Variants in DGKI observed in about 807,000 individuals in gnomAD.
The protein encoded by DGKI is diacylglycerol kinase iota.
A neutral mutation model predicts 147.5 loss-of-function variants in DGKI; 55 were observed. The observed-to-expected ratio is 0.37, with a 90% CI of 0.30 to 0.47. The LOEUF (loss-of-function observed/expected upper bound fraction) is 0.47, where lower values mean the gene tolerates loss of function less well. Among genes scored for constraint, DGKI ranks in the 20% least tolerant of loss-of-function variants. The probability of loss-of-function intolerance (pLI) is 1.00; values close to 1 mark genes in which losing one functional copy is unlikely to be tolerated. For synonymous variants in DGKI, 469 were observed against 477.1 expected (o/e 0.98, Z 0.22); for missense variants, 1,007 against 1,323.8 (o/e 0.76, Z 3.71).
chr7:137,602,938 T>A (rs1370013867), intron 10 of DGKI, among the ~76,000 whole-genome samples: 2 of 151,976 alleles, frequency 1.3e-5, no homozygotes. Flanking sequence ...CCATGCATGC[T>A]ACTGTAGATA....
chr7:137,761,686 C>G lies in DGKI; in HGVS notation c.402-71684G>C, dbSNP rs575079348. Among the ~76,000 whole-genome samples, 38 of 152,232 alleles carry G rather than the reference C, an allele frequency of 2.5e-4. No homozygotes were observed. In the South Asian group the frequency reaches 7.3e-3, roughly 29 times the overall value. On this transcript the variant is annotated intron_variant, in intron 1 of 32. Coordinates refer to ENST00000614521, the MANE Select transcript of DGKI (RefSeq NM_001321708.2). ...TGGTCCACAGATTCCTGTTCTGGAC[C>G]ATCTGTTCCTCTCAACTAAACATTC...
chr7:137,569,451 G>A (rs371762769), intron 19 of DGKI, among the ~76,000 whole-genome samples: 15 of 151,944 alleles, frequency 9.9e-5, no homozygotes, highest in East Asian at 9.7e-4. Flanking sequence ...TTCCCTGGCC[G>A]GGTGCGGTGG....
At chr7:137,491,630 T>C (rs770403590) in intron 21 of DGKI, among the ~76,000 whole-genome samples, 1 of 152,220 alleles carries the variant, frequency 6.6e-6, no homozygotes, top group Non-Finnish European at 1.5e-5. Flanking sequence ...AACTCATAAT[T>C]CTTGTACTCC....
intron 1 of DGKI, among the ~76,000 whole-genome samples, chr7:137,825,841 C>A (rs1798043916): frequency 6.6e-6 from 1 of 152,076 alleles, no homozygotes; most frequent in Non-Finnish European, 1.5e-5. Flanking sequence ...GAAAAGTAAA[C>A]CTTTTTGAAT....
chr7:137,544,232 T>A (rs1215417049), intron 20 of DGKI, among the ~76,000 whole-genome samples: 1 of 152,136 alleles, frequency 6.6e-6, no homozygotes, highest in African/African-American at 2.4e-5. Context: ...AAGATGACTA[T>A]CATATGCATT....
intron 15 of DGKI, among the ~76,000 whole-genome samples, chr7:137,581,141 A>T (rs1217893666): frequency 6.6e-6 from 1 of 152,112 alleles, no homozygotes. Flanking sequence ...GGCATGAGAA[A>T]ATGTTGATGA....
At chr7:137,596,573 G>T (rs1819805796) in intron 12 of DGKI, among the ~76,000 whole-genome samples, 1 of 152,122 alleles carries the variant, frequency 6.6e-6, no homozygotes, top group African/African-American at 2.4e-5. Context: ...AAATAATTTT[G>T]AAAAACGTTG....
intron 1 of DGKI, among the ~76,000 whole-genome samples, chr7:137,780,316 G>A (rs751177885): frequency 7.2e-5 from 11 of 152,212 alleles, no homozygotes; most frequent in Non-Finnish European, 1.3e-4. Flanking sequence ...TAATGATGAT[G>A]TGAGCTAAAC....
At chr7:137,394,936 G>A (rs1011251443) in intron 32 of DGKI, among the ~76,000 whole-genome samples, 1 of 152,158 alleles carries the variant, frequency 6.6e-6, no homozygotes, top group Non-Finnish European at 1.5e-5. Flanking sequence ...TCAGCTACTG[G>A]TCCAAGGGTA....
chr7:137,471,856 G>C (rs1814904512), intron 23 of DGKI, among the ~76,000 whole-genome samples: 1 of 146,418 alleles, frequency 6.8e-6, no homozygotes, highest in African/African-American at 2.5e-5. Context: ...TGGATACAGA[G>C]ATACTATATA....
At chr7:137,711,367 G>C (rs959962076) in intron 1 of DGKI, among the ~76,000 whole-genome samples, 3 of 152,090 alleles carry the variant, frequency 2.0e-5, no homozygotes, top group African/African-American at 7.2e-5. Context: ...AAGCAGAACA[G>C]ATAAATACAT....
intron 27 of DGKI, among the ~76,000 whole-genome samples, chr7:137,456,217 T>G (rs773525682): frequency 1.6e-4 from 25 of 152,178 alleles, no homozygotes; most frequent in Admixed American, 1.2e-3. Flanking sequence ...GTGTCTTTAT[T>G]ATTTTGATCT....
rs192343793 is a variant in DGKI, at chr7:137,484,520, C to G, written c.2373+854G>C. On this transcript the variant is annotated intron_variant, in intron 23 of 32. Transcript: ENST00000614521. The stretch of plus-strand genomic sequence containing the variant: ...CCTCTTAACAGGGCAGGGTAAGGAG[C>G]CTTCAGATAAAAGGGCTTTAATGAG... Among the ~76,000 whole-genome samples, 16 of 152,112 alleles carry G rather than the reference C, an allele frequency of 1.1e-4. No individual in the cohort carries two copies. The South Asian group carries it at 1.9e-3, about 18-fold the overall frequency.
intron 20 of DGKI, among the ~76,000 whole-genome samples, chr7:137,546,461 AAG>A (rs1817869815): frequency 6.6e-6 from 1 of 152,226 alleles, no homozygotes; most frequent in South Asian, 2.1e-4. Context: ...TCATCTTAAA[AAG>A]AGTGTCTCAA....
chr7:137,790,554 A>C (rs917487053), intron 1 of DGKI, among the ~76,000 whole-genome samples: 4 of 152,236 alleles, frequency 2.6e-5, no homozygotes, highest in Non-Finnish European at 4.4e-5. Flanking sequence ...ACTAATCAAT[A>C]AAGCAAATTA....
At chr7:137,692,666 T>C (rs1195329609) in intron 1 of DGKI, among the ~76,000 whole-genome samples, 1 of 152,192 alleles carries the variant, frequency 6.6e-6, no homozygotes, top group Non-Finnish European at 1.5e-5. Context: ...AAGCCACGTG[T>C]GTCTATGAAA....
rs1823118913 is a variant in DGKI, at chr7:137,678,569, T to G, written c.594A>C (p.Gln198His). Residue 198 changes from glutamine to histidine, a missense_variant, in exon 3 of 33, where the codon CAA (glutamine) becomes CAC (histidine). By Grantham distance (24) the Gln-to-His change is conservative. Transcript: ENST00000614521. ...AGCGCACACTCACTGCAAATCTGAC[T>G]TGGCAGTTCTCCTCTCCAAGGTAGC... Reference protein sequence around the residue: ...DLCYLGEENCQVRFAKSALRR... With the variant: ...DLCYLGEENCHVRFAKSALRR... 3 of 1,614,000 alleles carry G rather than the reference T, an allele frequency of 1.9e-6. No individual in the cohort carries two copies. In the African/African-American group the frequency reaches 4.0e-5, roughly 22 times the overall value.
chr7:137,803,336 G>A (rs894944918), intron 1 of DGKI, among the ~76,000 whole-genome samples: 1 of 152,132 alleles, frequency 6.6e-6, no homozygotes, highest in Non-Finnish European at 1.5e-5. Flanking sequence ...ACAAATTACA[G>A]GTCAGTAACA....
At chr7:137,595,648 G>A (rs1819762539) in intron 12 of DGKI, among the ~76,000 whole-genome samples, 1 of 151,820 alleles carries the variant, frequency 6.6e-6, no homozygotes, top group Non-Finnish European at 1.5e-5. Context: ...TCATCTAATT[G>A]CAGAGAATAT....
Sources: allele counts gnomAD v4.1 joint callset (sites outside exome capture counted in the v4.1 genomes callset), GRCh38; gene constraint gnomAD v4.1.1; transcripts MANE v1.5; gene names NCBI Gene and HGNC (gene_info 2026-07-23, HGNC 2026-07-21).